Variants in HS6ST2 observed in about 807,000 individuals in gnomAD.
HS6ST2 encodes the protein heparan-sulfate 6-O-sulfotransferase 2.
A neutral mutation model predicts 33.0 loss-of-function variants in HS6ST2; 17 were observed. The ratio of observed to expected loss-of-function variants is 0.52; its 90% confidence interval spans 0.35 to 0.77. The LOEUF (loss-of-function observed/expected upper bound fraction) is 0.77. Among genes scored for constraint, HS6ST2 ranks in the 30% least tolerant of loss-of-function variants. The probability of loss-of-function intolerance (pLI) is 0.01; values close to 1 mark genes in which losing one functional copy is unlikely to be tolerated. For synonymous variants in HS6ST2, 248 were observed against 237.1 expected, an observed-to-expected ratio of 1.05 and a Z score of -0.42; for missense variants, 519 against 551.7, an observed-to-expected ratio of 0.94 and a Z score of 0.59.
chrX:132,929,247 G>A (rs935552091), intron 2 of HS6ST2, among the ~76,000 whole-genome samples: 2 of 110,940 alleles, frequency 1.8e-5, no homozygotes, highest in African/African-American at 6.6e-5. Flanking sequence ...AACAGAAATA[G>A]GTGAACTAGA....
At chrX:132,948,085 A>C (rs759649838) in intron 2 of HS6ST2, among the ~76,000 whole-genome samples, 6 of 111,775 alleles carry the variant, frequency 5.4e-5, no homozygotes, top group South Asian at 7.6e-4. Context: ...CATGGAAGCA[A>C]CTCATTAGAA....
chrX:132,733,625 T>C (rs1330284314), intron 2 of HS6ST2, among the ~76,000 whole-genome samples: 1 of 111,367 alleles, frequency 9.0e-6, no homozygotes, highest in African/African-American at 3.3e-5. Flanking sequence ...ATTCCTTACA[T>C]AGTTAAGACC....
intron 2 of HS6ST2, among the ~76,000 whole-genome samples, chrX:132,714,202 A>T (rs2064254704): frequency 8.9e-6 from 1 of 111,924 alleles, no homozygotes. Flanking sequence ...CAGCTCTGCC[A>T]TTAACTGGCT....
chrX:132,648,538 CAAAA>C (rs386417567), intron 4 of HS6ST2, among the ~76,000 whole-genome samples: 1 of 57,581 alleles, frequency 1.7e-5, no homozygotes, highest in African/African-American at 5.8e-5. Flanking sequence ...TGGAAAGAGA[CAAAA>C]AAAAAAAAAA....
At chrX:132,948,109 A>G in intron 2 of HS6ST2, among the ~76,000 whole-genome samples, 1 of 111,996 alleles carries the variant, frequency 8.9e-6, no homozygotes, top group Non-Finnish European at 1.9e-5. Context: ...AACTCTTCAT[A>G]AGAAACAGAC....
intron 1 of HS6ST2, 85 bp from the exon 2 acceptor site, chrX:132,957,411 C>T: frequency 1.0e-6 from 1 of 1,004,466 alleles, no homozygotes; most frequent in East Asian, 3.3e-5. Flanking sequence ...TCCCCTGGAG[C>T]CGCTGCTGCG....
At chrX:132,655,953 C>T (rs1385170297) in intron 4 of HS6ST2, among the ~76,000 whole-genome samples, 6 of 111,298 alleles carry the variant, frequency 5.4e-5, no homozygotes, top group Admixed American at 3.8e-4. Context: ...TAAAATAATC[C>T]TTTCCCCAAG....
At chrX:132,847,293 C>A (rs1287184804) in intron 2 of HS6ST2, among the ~76,000 whole-genome samples, 4 of 111,146 alleles carry the variant, frequency 3.6e-5, no homozygotes, top group Non-Finnish European at 7.5e-5. Flanking sequence ...TCATGGGGGG[C>A]TGTTTTGTGC....
At chrX:132,644,772 C>G (rs181288151) in intron 4 of HS6ST2, among the ~76,000 whole-genome samples, 18 of 110,506 alleles carry the variant, frequency 1.6e-4, no homozygotes, top group African/African-American at 5.6e-4. Context: ...GTTCCTCCTC[C>G]CACCAATCAG....
intron 2 of HS6ST2, among the ~76,000 whole-genome samples, chrX:132,806,230 C>A (rs2065281071): frequency 2.7e-5 from 3 of 110,645 alleles, no homozygotes; most frequent in Non-Finnish European, 5.7e-5. Flanking sequence ...GTAAATTCTC[C>A]TAACCAATAT....
chrX:132,695,717 C>T (rs1174699581), intron 3 of HS6ST2, among the ~76,000 whole-genome samples: 1 of 112,049 alleles, frequency 8.9e-6, no homozygotes, highest in Non-Finnish European at 1.9e-5. Context: ...TAAAGTCATT[C>T]GCTGGCTGGG....
At chrX:132,854,937 T>C (rs6654272) in intron 2 of HS6ST2, among the ~76,000 whole-genome samples, 141 of 112,501 alleles carry the variant, frequency 1.3e-3, no homozygotes, top group African/African-American at 4.4e-3. Context: ...GTCTGGCCTT[T>C]TGATAATTTC....
At chrX:132,672,126 G>A (rs2063886325) in intron 3 of HS6ST2, among the ~76,000 whole-genome samples, 1 of 111,420 alleles carries the variant, frequency 9.0e-6, no homozygotes, top group Non-Finnish European at 1.9e-5. Flanking sequence ...AAAATAAAGA[G>A]AAAATACTGC....
chrX:132,637,899 TAATATTATATATAATATTTTATATA>T (rs200370252), intron 4 of HS6ST2, among the ~76,000 whole-genome samples: 3 of 52,267 alleles, frequency 5.7e-5, no homozygotes, highest in African/African-American at 5.0e-4. Flanking sequence ...ATTTTATATA[TAATATTATATATAATATTTTATATA>T]TATATTATAT....
intron 2 of HS6ST2, among the ~76,000 whole-genome samples, chrX:132,801,097 G>A (rs2065230890): frequency 9.0e-6 from 1 of 111,263 alleles, no homozygotes; most frequent in Admixed American, 9.6e-5. Context: ...AATACACTAG[G>A]TGTTGTTCCT....
intron 2 of HS6ST2, among the ~76,000 whole-genome samples, chrX:132,808,989 T>C (rs758029140): frequency 9.0e-6 from 1 of 110,764 alleles, no homozygotes; most frequent in East Asian, 2.9e-4. Flanking sequence ...TTTTTGTTTG[T>C]TTGTTTGTTT....
chrX:132,911,917 G>A (rs997480673), intron 2 of HS6ST2, among the ~76,000 whole-genome samples: 3 of 111,587 alleles, frequency 2.7e-5, no homozygotes, highest in Non-Finnish European at 3.8e-5. Flanking sequence ...GATTACAGGC[G>A]TCAGCCACCA....
chrX:132,816,366 G>C (rs1028978080), intron 2 of HS6ST2, among the ~76,000 whole-genome samples: 1 of 111,881 alleles, frequency 8.9e-6, no homozygotes. Context: ...TGCTGCCCAC[G>C]AACAGATTAA....
chrX:132,733,674 G>A (rs144674393), intron 2 of HS6ST2, among the ~76,000 whole-genome samples: 16 of 111,282 alleles, frequency 1.4e-4, no homozygotes, highest in South Asian at 3.8e-4. Context: ...GAGTCTAAAT[G>A]TTCCATATTA....
Sources: gnomAD v4.1 joint callset for allele counts (sites outside exome capture counted in the v4.1 genomes callset) on GRCh38, gnomAD v4.1.1 for gene constraint, MANE v1.5 for transcripts, NCBI Gene and HGNC (gene_info 2026-07-23, HGNC 2026-07-21) for gene names.